Variants in PYGL observed in about 807,000 individuals in gnomAD.
The protein encoded by PYGL is glycogen phosphorylase L, also known as glycogen phosphorylase, liver form.
A neutral mutation model predicts 100.1 loss-of-function variants in PYGL; 90 were observed. That is an observed-to-expected ratio of 0.90 (90% confidence interval 0.76 to 1.07). The LOEUF (loss-of-function observed/expected upper bound fraction) is 1.07, where lower values mean the gene tolerates loss of function less well. Among genes scored for constraint, PYGL ranks in the 50% least tolerant of loss-of-function variants. The probability of loss-of-function intolerance (pLI) is 0.00; values close to 1 mark genes in which losing one functional copy is unlikely to be tolerated. For missense variants in PYGL, 1,016 were observed against 1,057.6 expected (o/e 0.96, Z 0.55); for synonymous variants, 373 against 393.0 (o/e 0.95, Z 0.60).
At chr14:50,928,236 T>A (rs567889850) in intron 4 of PYGL, among the ~76,000 whole-genome samples, 1 of 152,284 alleles carries the variant, frequency 6.6e-6, no homozygotes, top group East Asian at 1.9e-4. Flanking sequence ...TCTGCACCTG[T>A]GGGATACAGA....
At chr14:50,915,625 G>A in intron 10 of PYGL, 126 bp from the exon 11 acceptor site, 3 of 1,434,280 alleles carry the variant, frequency 2.1e-6, no homozygotes, top group Non-Finnish European at 2.9e-6. Context: ...ACAGGGAGGG[G>A]TTGAGTTAGC....
chr14:50,908,284 C>T lies in PYGL; in HGVS notation c.2366G>A (p.Ser789Asn), dbSNP rs536358101. The change falls in exon 19 of 20, where the codon AGT (serine) becomes AAT (asparagine). Residue 789 changes from serine (S) to asparagine (N), a missense_variant. Ser to Asn is a conservative substitution (Grantham distance 46, BLOSUM62 1). Coordinates refer to ENST00000216392, the MANE Select transcript of PYGL (RefSeq NM_002863.5). ...EAYVKCQDKV[S>N]QLYMNPKAWN... ...CAATTTACTCACCATGTACAGCTGA[C>T]TCACTTTATCTTGACACTTGACATA... 1.3e-6 allele frequency: 2 copies of T among 1,596,028 alleles called. No homozygotes were observed. Among genetic ancestry groups the T allele is most frequent in the Non-Finnish European group, 1.7e-6 (2 of 1,163,602 alleles).
At chr14:50,917,864 G>T (rs1369906807) in intron 7 of PYGL, among the ~76,000 whole-genome samples, 1 of 152,168 alleles carries the variant, frequency 6.6e-6, no homozygotes, top group African/African-American at 2.4e-5. Flanking sequence ...ATCACACTTC[G>T]ATTTTTATAG....
chr14:50,914,680 C>G, intron 12 of PYGL, 21 bp downstream of exon 12: 1 of 1,582,734 alleles, frequency 6.3e-7, no homozygotes, highest in Non-Finnish European at 8.7e-7. Flanking sequence ...GCCTCCTTTC[C>G]TCTCAGCACT....
chr14:50,926,016 C>T (rs147832460), intron 4 of PYGL, among the ~76,000 whole-genome samples: 2,039 of 152,122 alleles, frequency 0.013, 39 homozygotes, highest in African/African-American at 0.046. Context: ...CAGCCAAGAG[C>T]TACAAGGCAA....
intron 2 of PYGL, among the ~76,000 whole-genome samples, chr14:50,936,813 T>C (rs7142143): frequency 0.027 from 4,026 of 151,264 alleles, 171 homozygotes; most frequent in African/African-American, 0.093. Flanking sequence ...AAGTATGATA[T>C]AAATTTTGAG....
chr14:50,913,609 T>C lies in PYGL; in HGVS notation c.1519-479A>G, dbSNP rs146428967. ...CAGAATGGTCTCGATCTCCTGACCT[T>C]GTGATCTGCCCTCCTCGGCCTCCCA... On this transcript the variant is annotated intron_variant, in intron 12 of 19. Transcript: ENST00000216392. 5.1e-3 allele frequency among the ~76,000 whole-genome samples: 776 copies of C among 152,148 alleles called. 22 individuals carry two copies. In the East Asian group the frequency reaches 0.11, roughly 22 times the overall value.
chr14:50,911,465 G>A (rs2050396661), intron 16 of PYGL, among the ~76,000 whole-genome samples: 1 of 152,196 alleles, frequency 6.6e-6, no homozygotes, highest in Non-Finnish European at 1.5e-5. Flanking sequence ...TGAAACCCCA[G>A]GGCTGCCTCC....
At chr14:50,937,585 T>C (rs1293558320) in intron 2 of PYGL, 151 bp downstream of exon 2, 2 of 705,342 alleles carry the variant, frequency 2.8e-6, no homozygotes, top group South Asian at 1.6e-5. Flanking sequence ...TTACCAGTGA[T>C]GTATATTTCT....
At chr14:50,929,197 G>A (rs377096705) in intron 4 of PYGL, among the ~76,000 whole-genome samples, 4 of 151,958 alleles carry the variant, frequency 2.6e-5, no homozygotes, top group East Asian at 3.9e-4. Context: ...TTACATGCAC[G>A]CGCCACTATC....
intron 19 of PYGL, 174 bp downstream of exon 19, chr14:50,908,097 C>G (rs968982802): frequency 1.9e-6 from 1 of 513,428 alleles, no homozygotes; most frequent in Non-Finnish European, 3.4e-6. Flanking sequence ...TGGGAAAAGA[C>G]AAGGTTTTTT....
chr14:50,915,147 A>G, intron 11 of PYGL, 189 bp downstream of exon 11: 1 of 775,244 alleles, frequency 1.3e-6, no homozygotes, highest in Non-Finnish European at 2.0e-6. Context: ...TGGCTCTGAG[A>G]GGAAAGCATT....
At chr14:50,944,087 C>T (rs1402874727) in intron 1 of PYGL, 74 bp downstream of exon 1, 37 of 1,511,728 alleles carry the variant, frequency 2.4e-5, no homozygotes, top group Non-Finnish European at 3.0e-5. Flanking sequence ...GGTTCTCCAC[C>T]TCGTCCCGCC....
chr14:50,919,784 C>G (rs556598424), intron 7 of PYGL, among the ~76,000 whole-genome samples: 106 of 152,124 alleles, frequency 7.0e-4, no homozygotes, highest in Non-Finnish European at 1.2e-3. Context: ...CAGGCTCAAG[C>G]GATTTTCCTG....
intron 1 of PYGL, among the ~76,000 whole-genome samples, 169 bp downstream of exon 1, chr14:50,943,992 T>A (rs2050724835): frequency 6.6e-6 from 1 of 152,180 alleles, no homozygotes; most frequent in Admixed American, 6.5e-5. Context: ...AGGCCTAATC[T>A]GTCCCCCAGG....
chr14:50,943,343 A>G (rs1360698901), intron 1 of PYGL, among the ~76,000 whole-genome samples: 2 of 152,118 alleles, frequency 1.3e-5, no homozygotes, highest in Non-Finnish European at 2.9e-5. Context: ...AGGCAGAGAT[A>G]TTGTCCCTCT....
chr14:50,939,056 A>T (rs1450372729), intron 1 of PYGL, among the ~76,000 whole-genome samples: 2 of 152,110 alleles, frequency 1.3e-5, no homozygotes, highest in Non-Finnish European at 2.9e-5. Flanking sequence ...TGATGGATTG[A>T]TTGAGACACA....
At chr14:50,912,060 G>A in intron 14 of PYGL, 24 bp from the exon 15 acceptor site, 1 of 1,613,418 alleles carries the variant, frequency 6.2e-7, no homozygotes, top group Non-Finnish European at 8.5e-7. Flanking sequence ...AGAAGTGGAT[G>A]AAATGGAAGA....
rs115598800 is a variant in PYGL at position 50,937,007 on chromosome 14, C to T, written c.345+729G>A. ...GAGTTAGCTATGACCTGGTTGTAGA[C>T]GTATTTGTTCTTGAGCGAAGGACAC... is the stretch of plus-strand genomic sequence containing the variant. On this transcript the variant is annotated intron_variant, in intron 2 of 19. Transcript: ENST00000216392. Among the ~76,000 whole-genome samples the T allele has an allele frequency of 8.3e-3, 1,264 of 152,110 alleles. 19 individuals are homozygous for T. Among genetic ancestry groups the T allele is most frequent in the African/African-American group, 0.029 (1,192 of 41,492 alleles).
Sources: gnomAD v4.1 joint callset for allele counts (sites outside exome capture counted in the v4.1 genomes callset) on GRCh38, gnomAD v4.1.1 for gene constraint, MANE v1.5 for transcripts, NCBI Gene and HGNC (gene_info 2026-07-23, HGNC 2026-07-21) for gene names.